Variants in PTPRG observed in about 807,000 individuals in gnomAD.
PTPRG encodes protein tyrosine phosphatase receptor type G, also known as receptor-type tyrosine-protein phosphatase gamma.
A neutral mutation model predicts 165.3 loss-of-function variants in PTPRG; 102 were observed. The observed-to-expected ratio is 0.62, with a 90% CI of 0.53 to 0.73. The LOEUF (loss-of-function observed/expected upper bound fraction) is 0.73, where lower values mean the gene tolerates loss of function less well. Ranked by LOEUF, PTPRG falls within the 30% of genes least tolerant of loss-of-function variation. The pLI, the probability that PTPRG is intolerant of heterozygous loss-of-function variation, is 0.00. For missense variants in PTPRG, 1,866 were observed against 1,861.4 expected, an observed-to-expected ratio of 1.00 and a Z score of -0.05; for synonymous variants, 675 against 669.5, an observed-to-expected ratio of 1.01 and a Z score of -0.13.
intron 17 of PTPRG, among the ~76,000 whole-genome samples, chr3:62,267,141 A>C (rs1701903670): frequency 6.6e-6 from 1 of 152,098 alleles, no homozygotes; most frequent in South Asian, 2.1e-4. Context: ...ATACAGAACA[A>C]GCAAATACCT....
chr3:61,618,491 A>G (rs1183566306), intron 1 of PTPRG, among the ~76,000 whole-genome samples: 1 of 152,170 alleles, frequency 6.6e-6, no homozygotes, highest in East Asian at 1.9e-4. Flanking sequence ...CCTGATTATA[A>G]TTGCAGATGG....
intron 1 of PTPRG, among the ~76,000 whole-genome samples, chr3:61,605,445 G>A (rs555058291): frequency 3.3e-5 from 5 of 151,746 alleles, no homozygotes; most frequent in Non-Finnish European, 5.9e-5. Context: ...TAATAGAGAC[G>A]GGGTTTTGCC....
rs144267263 is a variant in PTPRG, at chr3:62,222,387, C to G, written c.2288+3404C>G. Reference sequence around the variant, plus strand: ...CAAGCAGGCCCTCTGCCTGTTTGTACAGAGCAGCCTCTGGCCATGTTAGAC... The same window carrying G: ...CAAGCAGGCCCTCTGCCTGTTTGTAGAGAGCAGCCTCTGGCCATGTTAGAC... On this transcript the variant is annotated intron_variant, in intron 13 of 29. Transcript: ENST00000474889. The surrounding 1 kb of genome is among the most constrained non-coding windows in gnomAD (Gnocchi z 4.5). 1.8e-4 allele frequency among the ~76,000 whole-genome samples: 27 copies of G among 152,306 alleles called. No homozygotes were observed. The highest frequency in any genetic ancestry group is 3.4e-4 in the Non-Finnish European group (23 of 68,016).
intron 2 of PTPRG, among the ~76,000 whole-genome samples, chr3:61,962,188 A>G (rs1451049009): frequency 1.3e-5 from 2 of 152,230 alleles, no homozygotes; most frequent in East Asian, 3.8e-4. Flanking sequence ...CTCTAAGAAT[A>G]TGTTTAACAT....
At chr3:61,969,670 A>G (rs1172102541) in intron 2 of PTPRG, among the ~76,000 whole-genome samples, 1 of 152,172 alleles carries the variant, frequency 6.6e-6, no homozygotes. Flanking sequence ...GGTCACCCTC[A>G]GTCCCTGCAT....
intron 2 of PTPRG, among the ~76,000 whole-genome samples, chr3:61,985,578 C>A (rs761282175): frequency 1.3e-5 from 2 of 152,154 alleles, no homozygotes; most frequent in Non-Finnish European, 2.9e-5. Flanking sequence ...GAGCCACAGG[C>A]AGCTTAAATT....
chr3:62,005,824 T>A (rs1387707940), intron 4 of PTPRG, among the ~76,000 whole-genome samples: 1 of 146,194 alleles, frequency 6.8e-6, no homozygotes, highest in African/African-American at 2.5e-5. Flanking sequence ...TGCCCCAGCT[T>A]CCCAGGAAGC....
At chr3:61,870,855 G>A (rs989169492) in intron 2 of PTPRG, among the ~76,000 whole-genome samples, 2 of 151,930 alleles carry the variant, frequency 1.3e-5, no homozygotes, top group African/African-American at 4.8e-5. Flanking sequence ...AATAAATTAG[G>A]TCATTTACTA....
chr3:62,088,297 AAACT>A (rs2106787095), intron 5 of PTPRG, among the ~76,000 whole-genome samples: 1 of 152,314 alleles, frequency 6.6e-6, no homozygotes, highest in South Asian at 2.1e-4. Flanking sequence ...TGAGGTCAAG[AAACT>A]CAGCTTTATG....
chr3:62,084,030 T>C (rs1701665145), intron 5 of PTPRG, among the ~76,000 whole-genome samples: 1 of 152,362 alleles, frequency 6.6e-6, no homozygotes, highest in Non-Finnish European at 1.5e-5. Flanking sequence ...ATTAATTCCA[T>C]TGAACTTTGG....
chr3:62,207,451 C>T (rs1358012242), intron 12 of PTPRG, among the ~76,000 whole-genome samples: 2 of 152,166 alleles, frequency 1.3e-5, no homozygotes, highest in Non-Finnish European at 2.9e-5. Context: ...TGTCCTTTGC[C>T]CTGTCTGCCT....
At chr3:61,720,257 G>A (rs370757468) in intron 1 of PTPRG, among the ~76,000 whole-genome samples, 2 of 152,060 alleles carry the variant, frequency 1.3e-5, no homozygotes, top group East Asian at 3.9e-4. Flanking sequence ...CCGAGTAGCT[G>A]GGATTACAGG....
chr3:61,735,807 C>A (rs1450225341), intron 1 of PTPRG, among the ~76,000 whole-genome samples: 1 of 152,112 alleles, frequency 6.6e-6, no homozygotes, highest in Non-Finnish European at 1.5e-5. Context: ...TTAGCCTTTA[C>A]TTAGATGTGC....
intron 2 of PTPRG, among the ~76,000 whole-genome samples, chr3:61,959,763 T>C (rs1403610250): frequency 1.3e-5 from 2 of 152,200 alleles, no homozygotes; most frequent in Non-Finnish European, 2.9e-5. Flanking sequence ...CCTCTGAAAT[T>C]TACCCTCTAC....
chr3:61,792,823 G>A (rs533138621), intron 2 of PTPRG, among the ~76,000 whole-genome samples: 1 of 151,878 alleles, frequency 6.6e-6, no homozygotes, highest in East Asian at 2.0e-4. Context: ...CCGCCTCCTG[G>A]GTTCAAGCGA....
chr3:62,223,198 A>G (rs1700688608), intron 13 of PTPRG, among the ~76,000 whole-genome samples: 2 of 152,126 alleles, frequency 1.3e-5, no homozygotes, highest in Non-Finnish European at 2.9e-5. Context: ...GATGATGGGA[A>G]GGTATTGAAG....
intron 2 of PTPRG, among the ~76,000 whole-genome samples, chr3:61,974,476 C>G (rs544563543): frequency 7.4e-4 from 112 of 152,044 alleles, no homozygotes; most frequent in African/African-American, 2.6e-3. Flanking sequence ...TCACTGGAAC[C>G]CAGAAGGCAG....
Position 62,245,591 on chromosome 3 carries a change from C to T in PTPRG, c.2467+1693C>T, listed in dbSNP as rs1701271167. 6.6e-6 allele frequency among the ~76,000 whole-genome samples: 1 copy of T among 152,110 alleles called. No homozygotes were observed. Among genetic ancestry groups the T allele is most frequent in the African/African-American group, 2.4e-5 (1 of 41,422 alleles). On this transcript the variant is annotated intron_variant, in intron 15 of 29. Coordinates refer to ENST00000474889, the MANE Select transcript of PTPRG (RefSeq NM_002841.4). The surrounding 1 kb of genome is among the most constrained non-coding windows in gnomAD (Gnocchi z 4.2). ...TCCACCCTGAAATCTTTGTTCAGTG[C>T]CTTCACCTCTCTGAACCTTAGTTTC... is the stretch of plus-strand genomic sequence containing the variant.
chr3:62,033,257 C>T (rs1699827367), intron 4 of PTPRG, among the ~76,000 whole-genome samples: 1 of 151,954 alleles, frequency 6.6e-6, no homozygotes, highest in Non-Finnish European at 1.5e-5. Flanking sequence ...CCAGACTCTT[C>T]TTATTAAAGC....
Sources: gnomAD v4.1 joint callset for allele counts (sites outside exome capture counted in the v4.1 genomes callset) on GRCh38, gnomAD v4.1.1 for gene constraint, Gnocchi (gnomAD v3.1) non-coding constraint, MANE v1.5 for transcripts, NCBI Gene and HGNC (gene_info 2026-07-23, HGNC 2026-07-21) for gene names.